VRK2: variants seen among roughly 807,000 people sequenced by gnomAD.
VRK2 encodes the protein VRK serine/threonine kinase 2.
VRK2 carries 60 observed loss-of-function variants against 57.6 expected under a neutral mutation model. The ratio of observed to expected loss-of-function variants is 1.04; its 90% confidence interval spans 0.85 to 1.29. The LOEUF (loss-of-function observed/expected upper bound fraction) is 1.29. Ranked by LOEUF, VRK2 falls within the 50% of genes most tolerant of loss-of-function variation. The pLI is 0.00. For missense variants in VRK2, 705 were observed against 588.1 expected, an observed-to-expected ratio of 1.20 and a Z score of -2.06; for synonymous variants, 231 against 199.2, an observed-to-expected ratio of 1.16 and a Z score of -1.35.
At chr2:58,099,174 A>G (rs1430379127) in intron 7 of VRK2, among the ~76,000 whole-genome samples, 2 of 152,128 alleles carry the variant, frequency 1.3e-5, no homozygotes, top group East Asian at 3.9e-4. Flanking sequence ...CACTTGGAGG[A>G]AGTTGATGCA....
Position 58,146,437 on chromosome 2 carries a change from A to AACATG in VRK2, c.1145_1146insACATG (p.Lys383HisfsTer4). 1 of 1,611,488 alleles carries AACATG rather than the reference A, an allele frequency of 6.2e-7. No homozygotes were observed. ...GCAACATGGAAAGTGCAGAAAGAGGAGAAACTGATTGGATTGATGAACAAT... is the reference window on the plus strand; with the variant it reads ...GCAACATGGAAAGTGCAGAAAGAGGAACATGGAAACTGATTGGATTGATGAACAAT... On this transcript the variant is annotated frameshift_variant, in exon 12 of 13. Transcript: ENST00000340157. LOFTEE classifies it low-confidence loss of function (END_TRUNC).
At chr2:58,105,278 G>A (rs1426113001) in intron 7 of VRK2, among the ~76,000 whole-genome samples, 1 of 151,744 alleles carries the variant, frequency 6.6e-6, no homozygotes, top group Admixed American at 6.6e-5. Flanking sequence ...AACCTGCAGA[G>A]TGGAAGAAAA....
At chr2:58,120,184 C>CTTTTTTTTTTTTGTTTTTTTT (rs1677223728) in intron 7 of VRK2, among the ~76,000 whole-genome samples, 1 of 51,988 alleles carries the variant, frequency 1.9e-5, no homozygotes, top group Non-Finnish European at 3.2e-5. Context: ...TTTTTCTTTT[C>CTTTTTTTTTTTTGTTTTTTTT]TTTTTTTTTT....
intron 9 of VRK2, 157 bp downstream of exon 9, chr2:58,132,085 T>A: frequency 2.4e-6 from 2 of 829,746 alleles, no homozygotes; most frequent in Non-Finnish European, 3.5e-6. Flanking sequence ...ACCAAACAAC[T>A]AACACATAAA....
At chr2:58,156,309 G>A (rs1180612665) in intron 12 of VRK2, among the ~76,000 whole-genome samples, 1 of 151,708 alleles carries the variant, frequency 6.6e-6, no homozygotes, top group Non-Finnish European at 1.5e-5. Context: ...TTCAAGATTT[G>A]CTTGTTATTT....
intron 9 of VRK2, among the ~76,000 whole-genome samples, chr2:58,134,695 C>T (rs1174097924): frequency 1.3e-5 from 2 of 151,642 alleles, no homozygotes; most frequent in Non-Finnish European, 2.9e-5. Flanking sequence ...TTAGAACATA[C>T]CCTTTTGTCC....
intron 12 of VRK2, among the ~76,000 whole-genome samples, chr2:58,148,409 A>G (rs1046577175): frequency 3.3e-5 from 5 of 151,858 alleles, no homozygotes; most frequent in African/African-American, 1.2e-4. Flanking sequence ...TCCTTATCAG[A>G]TATCTGTATT....
chr2:58,149,996 C>CTTTTT (rs55783668), intron 12 of VRK2, among the ~76,000 whole-genome samples: 32 of 108,298 alleles, frequency 3.0e-4, no homozygotes, highest in Non-Finnish European at 3.9e-4. Flanking sequence ...TTTTTCTTTT[C>CTTTTT]TTTTTTTTTT....
intron 10 of VRK2, among the ~76,000 whole-genome samples, chr2:58,137,010 ATATATATCTCATATGTG>A (rs1227205323): frequency 2.5e-4 from 32 of 126,538 alleles, no homozygotes; most frequent in African/African-American, 1.1e-3. Flanking sequence ...CATATATATT[ATATATATCTCATATGTG>A]TATATATATC....
intron 1 of VRK2, among the ~76,000 whole-genome samples, chr2:57,992,501 A>C (rs1002988793): frequency 6.6e-6 from 1 of 151,994 alleles, no homozygotes; most frequent in African/African-American, 2.4e-5. Flanking sequence ...AATAATGAAA[A>C]ACTCACAGAC....
At chr2:58,156,498 T>G (rs1683871543) in intron 12 of VRK2, among the ~76,000 whole-genome samples, 1 of 151,986 alleles carries the variant, frequency 6.6e-6, no homozygotes, top group African/African-American at 2.4e-5. Flanking sequence ...GTTAGAATAC[T>G]TTACCTTTTT....
intron 10 of VRK2, among the ~76,000 whole-genome samples, chr2:58,135,878 G>C (rs1346705477): frequency 6.6e-6 from 1 of 152,112 alleles, no homozygotes; most frequent in Non-Finnish European, 1.5e-5. Context: ...TAACAATTGA[G>C]TTAGACTGTC....
At chr2:58,115,518 G>A (rs1676306903) in intron 7 of VRK2, among the ~76,000 whole-genome samples, 1 of 150,818 alleles carries the variant, frequency 6.6e-6, no homozygotes, top group Admixed American at 6.7e-5. Flanking sequence ...ATGCAGACAT[G>A]AGGGCTAGGC....
chr2:58,143,096 A>T (rs1681579214), intron 11 of VRK2, among the ~76,000 whole-genome samples: 1 of 151,908 alleles, frequency 6.6e-6, no homozygotes, highest in South Asian at 2.1e-4. Context: ...AACGGTTTAC[A>T]AAATTTTTTC....
chr2:57,919,156 T>C (rs1291521234), intron 1 of VRK2, among the ~76,000 whole-genome samples: 1 of 152,042 alleles, frequency 6.6e-6, no homozygotes, highest in Non-Finnish European at 1.5e-5. Context: ...AATGGCAGAC[T>C]CTGCCCAAAG....
intron 1 of VRK2, among the ~76,000 whole-genome samples, chr2:58,002,175 A>G (rs1214529306): frequency 6.6e-6 from 1 of 152,158 alleles, no homozygotes; most frequent in African/African-American, 2.4e-5. Flanking sequence ...GTAAATCTCA[A>G]GAGATATTTA....
chr2:57,923,436 A>G (rs1238905823), intron 1 of VRK2, among the ~76,000 whole-genome samples: 1 of 151,790 alleles, frequency 6.6e-6, no homozygotes, highest in Non-Finnish European at 1.5e-5. Context: ...CTGAACTGAG[A>G]TGATAACTCT....
chr2:58,114,386 G>T (rs1676095196), intron 7 of VRK2, among the ~76,000 whole-genome samples: 1 of 152,110 alleles, frequency 6.6e-6, no homozygotes, highest in African/African-American at 2.4e-5. Flanking sequence ...GTTGAGAATG[G>T]TGAATAGGAG....
chr2:58,013,318 T>A lies in VRK2; in HGVS notation c.-438-12347T>A, dbSNP rs1572779212. Among the ~76,000 whole-genome samples, 2 of 152,342 alleles carry A rather than the reference T, an allele frequency of 1.3e-5. 1 individual carries two copies. The highest frequency in any genetic ancestry group is 6.8e-3 in the Middle Eastern group (2 of 294). On this transcript the variant is annotated intron_variant, in intron 1 of 15. Coordinates refer to the VRK2 transcript ENST00000417641. ...ATTCAAATTTATTTGTGTCTGTTAT[T>A]TACACATCTACTAATGTCATCAAAA...
Sources: gnomAD v4.1 joint callset for allele counts (sites outside exome capture counted in the v4.1 genomes callset) on GRCh38, gnomAD v4.1.1 for gene constraint, MANE v1.5 for transcripts, NCBI Gene and HGNC (gene_info 2026-07-23, HGNC 2026-07-21) for gene names.